The following MICU1 variants were observed in gnomAD, a reference collection of about 807,000 sequenced individuals.
MICU1 encodes the protein calcium uptake protein 1, mitochondrial.
MICU1 carries 45 observed loss-of-function variants against 56.8 expected under a neutral mutation model. The ratio of observed to expected loss-of-function variants is 0.79; its 90% CI spans 0.62 to 1.02. MICU1 has a LOEUF of 1.02. Among genes scored for constraint, MICU1 ranks in the 50% least tolerant of loss-of-function variants. The pLI is 0.00. For missense variants in MICU1, 504 were observed against 587.1 expected (o/e 0.86, Z 1.46); for synonymous variants, 186 against 195.1 (o/e 0.95, Z 0.39).
intron 8 of MICU1, among the ~76,000 whole-genome samples, chr10:72,429,375 G>A (rs867058964): frequency 6.8e-6 from 1 of 148,074 alleles, no homozygotes; most frequent in East Asian, 2.0e-4. Context: ...AGCCAAGATC[G>A]TGCCACTGCA....
intron 9 of MICU1, among the ~76,000 whole-genome samples, chr10:72,413,203 A>G (rs1314414955): frequency 4.0e-5 from 6 of 150,950 alleles, no homozygotes; most frequent in African/African-American, 1.5e-4. Context: ...TCAAAAAAAG[A>G]CAAAAAACAA....
At chr10:72,615,821 T>G (rs189989674) in intron 1 of MICU1, among the ~76,000 whole-genome samples, 39 of 152,114 alleles carry the variant, frequency 2.6e-4, no homozygotes, top group Middle Eastern at 3.4e-3. Context: ...AAACCCTGTC[T>G]CTACTAAAAA....
At chr10:72,512,575 C>T (rs762827177) in intron 5 of MICU1, among the ~76,000 whole-genome samples, 15 of 152,106 alleles carry the variant, frequency 9.9e-5, no homozygotes, top group Non-Finnish European at 1.8e-4. Flanking sequence ...TTATTTCCAC[C>T]TTTTGGTTAT....
intron 6 of MICU1, chr10:72,483,911 C>T (rs551904519): frequency 6.6e-6 from 1 of 152,290 alleles, no homozygotes; most frequent in South Asian, 2.1e-4. Flanking sequence ...ACAAAAGACA[C>T]TGTGTTATTC....
chr10:72,451,300 GGT>G (rs1162868222), intron 8 of MICU1, among the ~76,000 whole-genome samples: 2 of 152,166 alleles, frequency 1.3e-5, no homozygotes, highest in Non-Finnish European at 2.9e-5. Context: ...TGGGATTACA[GGT>G]GTGAGCCACC....
intron 1 of MICU1, among the ~76,000 whole-genome samples, chr10:72,590,655 T>C (rs1176860734): frequency 4.6e-5 from 7 of 151,354 alleles, no homozygotes; most frequent in African/African-American, 1.5e-4. Flanking sequence ...CTACTAAAAA[T>C]ACAAAAAATT....
chr10:72,589,812 G>A (rs978205649), intron 1 of MICU1, among the ~76,000 whole-genome samples: 6 of 151,996 alleles, frequency 3.9e-5, no homozygotes, highest in African/African-American at 4.8e-5. Context: ...ATTTTTAAAC[G>A]ATCATTAGAC....
intron 8 of MICU1, among the ~76,000 whole-genome samples, chr10:72,440,324 G>C (rs1864877894): frequency 1.3e-5 from 2 of 152,180 alleles, no homozygotes; most frequent in South Asian, 2.1e-4. Context: ...AATAAATGGT[G>C]CTGGGAAAAC....
intron 5 of MICU1, among the ~76,000 whole-genome samples, chr10:72,513,527 A>G (rs2132361051): frequency 6.6e-6 from 1 of 152,324 alleles, no homozygotes; most frequent in South Asian, 2.1e-4. Context: ...ACTCTTGATA[A>G]TGTCCTATGA....
intron 8 of MICU1, among the ~76,000 whole-genome samples, chr10:72,441,063 G>C (rs1227888344): frequency 6.6e-6 from 1 of 152,034 alleles, no homozygotes; most frequent in African/African-American, 2.4e-5. Flanking sequence ...TATACCCAAA[G>C]GATTATAAAT....
chr10:72,394,832 A>G (rs576053004), intron 10 of MICU1, among the ~76,000 whole-genome samples: 17 of 152,224 alleles, frequency 1.1e-4, no homozygotes, highest in African/African-American at 4.1e-4. Flanking sequence ...TAAATGTAAA[A>G]AAGAAAAATT....
intron 8 of MICU1, among the ~76,000 whole-genome samples, chr10:72,459,431 A>G (rs1411902950): frequency 6.6e-6 from 1 of 152,094 alleles, no homozygotes; most frequent in East Asian, 1.9e-4. Flanking sequence ...TCCTGAAAAC[A>G]TTTTTTACAG....
At chr10:72,528,345 T>A (rs1276775500) in intron 5 of MICU1, among the ~76,000 whole-genome samples, 1 of 152,018 alleles carries the variant, frequency 6.6e-6, no homozygotes, top group East Asian at 1.9e-4. Context: ...AAAGCAGAAA[T>A]GATATACCCT....
At chr10:72,408,118 G>C in intron 9 of MICU1, 81 bp from the exon 10 acceptor site, 1 of 790,324 alleles carries the variant, frequency 1.3e-6, no homozygotes, top group South Asian at 1.6e-5. Flanking sequence ...ATTCACATCT[G>C]CAAATCAGAA....
At chr10:72,482,842 T>C (rs1866345607) in intron 6 of MICU1, among the ~76,000 whole-genome samples, 2 of 148,322 alleles carry the variant, frequency 1.3e-5, no homozygotes, top group Admixed American at 1.4e-4. Context: ...TATACATATA[T>C]ATATATATAT....
At chr10:72,409,975 T>C (rs1464355836) in intron 9 of MICU1, among the ~76,000 whole-genome samples, 2 of 152,160 alleles carry the variant, frequency 1.3e-5, no homozygotes, top group Non-Finnish European at 2.9e-5. Flanking sequence ...GCCCAACCCC[T>C]ACTGACAATA....
At chr10:72,474,335 A>T (rs1269177405) in intron 8 of MICU1, among the ~76,000 whole-genome samples, 4 of 151,944 alleles carry the variant, frequency 2.6e-5, no homozygotes, top group East Asian at 1.9e-4. Context: ...GAGAATTTTT[A>T]AAAATGTCAA....
At chr10:72,389,420 A>G (rs1027176001) in intron 10 of MICU1, among the ~76,000 whole-genome samples, 1 of 152,208 alleles carries the variant, frequency 6.6e-6, no homozygotes, top group Admixed American at 6.5e-5. Context: ...AAACTTCAGA[A>G]AAAATACTTG....
chr10:72,558,959 G>A (rs1230261344), intron 3 of MICU1, among the ~76,000 whole-genome samples: 1 of 152,116 alleles, frequency 6.6e-6, no homozygotes, highest in Non-Finnish European at 1.5e-5. Context: ...TCGAGACTGC[G>A]GTGAGCTTTC....
Sources: allele counts gnomAD v4.1 joint callset (sites outside exome capture counted in the v4.1 genomes callset), GRCh38; gene constraint gnomAD v4.1.1; transcripts MANE v1.5; gene names NCBI Gene and HGNC (gene_info 2026-07-23, HGNC 2026-07-21).